The following KIF16B variants were observed in gnomAD, a reference collection of about 807,000 sequenced individuals.
The protein encoded by KIF16B is kinesin family member 16B.
A neutral mutation model predicts 156.3 loss-of-function variants in KIF16B; 98 were observed. The observed-to-expected ratio is 0.63, with a 90% CI of 0.53 to 0.74. The LOEUF (loss-of-function observed/expected upper bound fraction) is 0.74, where lower values mean the gene tolerates loss of function less well. Among genes scored for constraint, KIF16B ranks in the 30% least tolerant of loss-of-function variants. The pLI, the probability that KIF16B is intolerant of heterozygous loss-of-function variation, is 0.00. For missense variants in KIF16B, 1,421 were observed against 1,606.5 expected (o/e 0.88, Z 1.97); for synonymous variants, 564 against 583.7 (o/e 0.97, Z 0.49).
chr20:16,381,701 T>C lies in KIF16B; in HGVS notation c.1831A>G (p.Ser611Gly), dbSNP rs2065100860. 3 of 1,612,230 alleles carry C rather than the reference T, an allele frequency of 1.9e-6. No individual in the cohort carries two copies. In the African/African-American group the frequency reaches 4.0e-5, roughly 21 times the overall value. Reference sequence around the variant, plus strand: ...GAACCCCATGTGACTTACCTTTTACTTTCTAATTTTTCAAGTTCTTCACGC... The same window carrying C: ...GAACCCCATGTGACTTACCTTTTACCTTCTAATTTTTCAAGTTCTTCACGC... ...QQREELEKLE[S>G]KRKLIEEMEE... The change falls in exon 18 of 26, where the codon AGT becomes GGT. Residue 611 changes from serine to glycine, a missense_variant. Physicochemically the swap from Ser to Gly is moderately conservative, Grantham distance 56 (BLOSUM62 0). Coordinates refer to ENST00000354981, the MANE Select transcript of KIF16B (RefSeq NM_024704.5).
chr20:16,359,606 C>A (rs566837629), intron 22 of KIF16B, among the ~76,000 whole-genome samples: 3 of 149,322 alleles, frequency 2.0e-5, no homozygotes, highest in African/African-American at 7.5e-5. Context: ...TAAAACCAAT[C>A]CCTAATAAAA....
At chr20:16,331,885 G>A (rs185085834) in intron 24 of KIF16B, among the ~76,000 whole-genome samples, 236 of 152,154 alleles carry the variant, frequency 1.6e-3, no homozygotes, top group Non-Finnish European at 2.7e-3. Context: ...ACTAATGAGG[G>A]CAATAATAAT....
intron 12 of KIF16B, among the ~76,000 whole-genome samples, chr20:16,476,204 C>T (rs1441115430): frequency 1.3e-5 from 2 of 152,200 alleles, no homozygotes; most frequent in Non-Finnish European, 2.9e-5. Flanking sequence ...CATTTATTCC[C>T]ATTACTATTG....
intron 25 of KIF16B, among the ~76,000 whole-genome samples, chr20:16,296,041 C>T (rs1157985574): frequency 2.0e-5 from 3 of 152,200 alleles, no homozygotes; most frequent in Non-Finnish European, 2.9e-5. Flanking sequence ...TTAAGAGCTT[C>T]AGTTTCAAAG....
chr20:16,301,353 G>C (rs1489677669), intron 25 of KIF16B, among the ~76,000 whole-genome samples: 1 of 152,196 alleles, frequency 6.6e-6, no homozygotes, highest in African/African-American at 2.4e-5. Context: ...CAATGCCAAG[G>C]AGTGAGAGGG....
intron 19 of KIF16B, among the ~76,000 whole-genome samples, chr20:16,376,436 C>T (rs1305979640): frequency 6.6e-6 from 1 of 152,210 alleles, no homozygotes; most frequent in Non-Finnish European, 1.5e-5. Context: ...ATATTTCACA[C>T]TTGTGGAATT....
At chr20:16,377,040 G>A (rs2064968873) in intron 19 of KIF16B, among the ~76,000 whole-genome samples, 1 of 152,208 alleles carries the variant, frequency 6.6e-6, no homozygotes, top group Non-Finnish European at 1.5e-5. Flanking sequence ...TTGAATGGAG[G>A]TTGTCCTGAA....
rs143718132 is a variant in KIF16B, at chr20:16,273,259, C to T, written c.3948G>A (p.Thr1316=). The T allele has an allele frequency of 1.5e-5, 24 of 1,613,916 alleles. No homozygotes were observed. Among genetic ancestry groups the T allele is most frequent in the Admixed American group, 1.0e-4 (6 of 60,010 alleles). The stretch of plus-strand genomic sequence containing the variant: ...TCCTCCATCACCCCTGGCTCTACCC[C>T]GTCCCGTGGCTGCTGTAGTCAAAGA... The part of the protein sequence containing the change: ...KGVFDYSSHG[T]G Residue 1316 remains threonine (T), a synonymous_variant, in exon 26 of 26, where the codon ACG becomes ACA. Transcript: ENST00000354981.
chr20:16,415,904 T>C (rs780137406), intron 15 of KIF16B, among the ~76,000 whole-genome samples: 2 of 152,082 alleles, frequency 1.3e-5, no homozygotes, highest in Admixed American at 6.6e-5. Context: ...ACAAAATGCA[T>C]GTAGTAGTTA....
intron 19 of KIF16B, among the ~76,000 whole-genome samples, chr20:16,377,985 G>A (rs757103893): frequency 2.0e-4 from 31 of 152,274 alleles, no homozygotes; most frequent in Admixed American, 5.9e-4. Context: ...ATATCCCACT[G>A]TGTTCAGAAT....
At chr20:16,292,019 C>T (rs1381337669) in intron 25 of KIF16B, among the ~76,000 whole-genome samples, 1 of 152,176 alleles carries the variant, frequency 6.6e-6, no homozygotes, top group Non-Finnish European at 1.5e-5. Context: ...GCTTCATTTT[C>T]TACCTTTTTC....
intron 17 of KIF16B, among the ~76,000 whole-genome samples, chr20:16,394,396 T>C (rs1313467190): frequency 6.6e-6 from 1 of 152,222 alleles, no homozygotes; most frequent in African/African-American, 2.4e-5. Context: ...TAATCTCAGT[T>C]AATGGAGGAA....
At position 16,273,248 on chromosome 20, in the gene KIF16B, T is replaced by C. The variant is rs765671843; in HGVS notation, c.*5A>G. On this transcript the variant is annotated 3_prime_UTR_variant, in exon 26 of 26. Coordinates refer to ENST00000354981, the MANE Select transcript of KIF16B (RefSeq NM_024704.5). ...GCTGTGGTGGTTCCTCCATCACCCC[T>C]GGCTCTACCCCGTCCCGTGGCTGCT... The C allele has an allele frequency of 6.2e-7, 1 of 1,613,654 alleles. No individual in the cohort carries two copies. Among genetic ancestry groups the C allele is most frequent in the Admixed American group, 1.7e-5 (1 of 60,020 alleles).
chr20:16,484,603 G>A (rs1210049120), intron 12 of KIF16B, among the ~76,000 whole-genome samples: 1 of 152,090 alleles, frequency 6.6e-6, no homozygotes, highest in Non-Finnish European at 1.5e-5. Context: ...TAAGAACAAG[G>A]AAGAGCCAAT....
intron 24 of KIF16B, among the ~76,000 whole-genome samples, chr20:16,331,214 T>C (rs2063942464): frequency 6.6e-6 from 1 of 152,198 alleles, no homozygotes; most frequent in Non-Finnish European, 1.5e-5. Context: ...TATTGTTGAA[T>C]AATGTCAATC....
intron 22 of KIF16B, among the ~76,000 whole-genome samples, chr20:16,364,952 C>T (rs553727766): frequency 6.6e-6 from 1 of 152,326 alleles, no homozygotes; most frequent in South Asian, 2.1e-4. Flanking sequence ...TGCTTCTGTA[C>T]CTGTGCGAAT....
intron 25 of KIF16B, among the ~76,000 whole-genome samples, chr20:16,304,596 A>G (rs574135597): frequency 6.6e-6 from 1 of 152,248 alleles, no homozygotes; most frequent in African/African-American, 2.4e-5. Flanking sequence ...CTAAATGAGG[A>G]AGAAAACAGT....
At chr20:16,571,865 G>A (rs2071467894) in intron 1 of KIF16B, among the ~76,000 whole-genome samples, 1 of 152,086 alleles carries the variant, frequency 6.6e-6, no homozygotes, top group Admixed American at 6.5e-5. Flanking sequence ...TCTTGACCTT[G>A]TGATCCGCCC....
rs759019941 is a variant in KIF16B, at chr20:16,505,753, A to G, written c.969T>C (p.Leu323=). Residue 323 remains leucine, a synonymous_variant, in exon 9 of 26, where the codon CTT becomes CTC. Transcript: ENST00000354981. ...SVLTWLLKDS[L]GGNSKTIMIA... ...TCATGATAGTTTTAGAGTTTCCTCC[A>G]AGGCTATCTTTTAACAACCAAGTCA... 6.2e-7 allele frequency: 1 copy of G among 1,613,932 alleles called. No individual in the cohort carries two copies. Among genetic ancestry groups the G allele is most frequent in the East Asian group, 2.2e-5 (1 of 44,860 alleles).
Sources: allele counts gnomAD v4.1 joint callset (sites outside exome capture counted in the v4.1 genomes callset), GRCh38; gene constraint gnomAD v4.1.1; transcripts MANE v1.5; gene names NCBI Gene and HGNC (gene_info 2026-07-23, HGNC 2026-07-21).